KHDRBS2: variants seen among roughly 807,000 people sequenced by gnomAD.
The protein encoded by KHDRBS2 is KH RNA binding domain containing, signal transduction associated 2, also known as KH domain-containing, RNA-binding, signal transduction-associated protein 2.
In KHDRBS2, 26 loss-of-function variants were observed where a neutral mutation model predicts 44.3. That is an observed-to-expected ratio of 0.59 (90% CI 0.43 to 0.81). The LOEUF is 0.81. KHDRBS2 is among the 40% of genes least tolerant of loss of function. The pLI, the probability that KHDRBS2 is intolerant of heterozygous loss-of-function variation, is 0.00. For synonymous variants in KHDRBS2, 194 were observed against 151.1 expected, an observed-to-expected ratio of 1.28 and a Z score of -2.08; for missense variants, 476 against 433.1, an observed-to-expected ratio of 1.10 and a Z score of -0.88.
At chr6:62,195,710 A>T (rs1354654713) in intron 1 of KHDRBS2, among the ~76,000 whole-genome samples, 1 of 152,124 alleles carries the variant, frequency 6.6e-6, no homozygotes, top group Non-Finnish European at 1.5e-5. Context: ...AGTGAATGAC[A>T]TATATAAAAA....
At chr6:62,049,297 GAACAA>G (rs535569017) in intron 2 of KHDRBS2, among the ~76,000 whole-genome samples, 1 of 151,044 alleles carries the variant, frequency 6.6e-6, no homozygotes, top group East Asian at 2.0e-4. Context: ...GTATGAAAAA[GAACAA>G]AACAAAACAA....
intron 6 of KHDRBS2, among the ~76,000 whole-genome samples, chr6:61,745,073 G>A (rs1325494086): frequency 1.3e-5 from 2 of 152,084 alleles, no homozygotes; most frequent in Non-Finnish European, 2.9e-5. Flanking sequence ...ATCATGAACA[G>A]CTGCATTTCC....
chr6:62,248,542 A>G (rs1053727726), intron 1 of KHDRBS2, among the ~76,000 whole-genome samples: 2 of 151,966 alleles, frequency 1.3e-5, no homozygotes, highest in African/African-American at 4.8e-5. Context: ...AATTTTTAGT[A>G]GAGACGGGGT....
the KHDRBS2 span, among the ~76,000 whole-genome samples, chr6:61,635,698 TG>T: frequency 6.6e-6 from 1 of 151,970 alleles, no homozygotes; most frequent in African/African-American, 2.4e-5. Flanking sequence ...ACAGAAAAGG[TG>T]TTCTTTACAT....
At chr6:61,559,968 T>A in the KHDRBS2 span, among the ~76,000 whole-genome samples, 2 of 152,192 alleles carry the variant, frequency 1.3e-5, no homozygotes, top group Non-Finnish European at 2.9e-5. Context: ...ACTGAATAAC[T>A]CCATTTAGCA....
chr6:62,281,985 G>C (rs1240891059), intron 1 of KHDRBS2, among the ~76,000 whole-genome samples: 2 of 152,094 alleles, frequency 1.3e-5, no homozygotes, highest in Non-Finnish European at 2.9e-5. Context: ...ATTATCCCAA[G>C]TCTATTGGGA....
At chr6:61,904,516 G>GT (rs1300455958) in intron 4 of KHDRBS2, among the ~76,000 whole-genome samples, 1 of 152,168 alleles carries the variant, frequency 6.6e-6, no homozygotes, top group African/African-American at 2.4e-5. Flanking sequence ...AACTACAGAT[G>GT]TAATTGACCA....
intron 1 of KHDRBS2, among the ~76,000 whole-genome samples, chr6:62,274,659 T>C (rs542802348): frequency 6.6e-6 from 1 of 152,296 alleles, no homozygotes; most frequent in South Asian, 2.1e-4. Flanking sequence ...TACTTATTTG[T>C]AGAATCTCAA....
At position 62,286,211 on chromosome 6, in the gene KHDRBS2, A is replaced by T. The variant is rs1842482523; in HGVS notation, c.-263T>A. On this transcript the variant is annotated 5_prime_UTR_variant, in exon 1 of 9. Transcript: ENST00000281156. The stretch of plus-strand genomic sequence containing the variant: ...CTCACACCAGCGGCCTTAACTGGAG[A>T]GGCGGGAACAGGACGCGGCCCACCT... 2.1e-6 allele frequency: 1 copy of T among 481,680 alleles called. No individual in the cohort carries two copies. The highest frequency in any genetic ancestry group is 3.6e-6 in the Non-Finnish European group (1 of 274,824). 29.8% of individuals were successfully genotyped at this position (481,680 alleles called of 1,614,324 possible).
chr6:61,781,128 A>G (rs897782084), intron 6 of KHDRBS2, among the ~76,000 whole-genome samples: 12 of 152,194 alleles, frequency 7.9e-5, no homozygotes, highest in African/African-American at 2.9e-4. Flanking sequence ...ACATAATGCA[A>G]TTACACAAAG....
intron 6 of KHDRBS2, among the ~76,000 whole-genome samples, chr6:61,828,063 C>T (rs1047839936): frequency 1.3e-5 from 2 of 152,178 alleles, no homozygotes; most frequent in African/African-American, 4.8e-5. Context: ...CTGGCACTGA[C>T]ATGCATGTCT....
the KHDRBS2 span, among the ~76,000 whole-genome samples, chr6:61,594,333 T>G: frequency 6.6e-6 from 1 of 152,086 alleles, no homozygotes; most frequent in African/African-American, 2.4e-5. Flanking sequence ...GGTTGGTAAT[T>G]TTATGAGTCC....
intron 6 of KHDRBS2, among the ~76,000 whole-genome samples, chr6:61,771,884 A>G (rs1360782763): frequency 7.2e-5 from 11 of 152,196 alleles, no homozygotes; most frequent in Non-Finnish European, 8.8e-5. Flanking sequence ...CAGAATATAC[A>G]TTCTTTTCAG....
At chr6:61,799,077 G>T (rs1785836805) in intron 6 of KHDRBS2, among the ~76,000 whole-genome samples, 1 of 151,904 alleles carries the variant, frequency 6.6e-6, no homozygotes, top group African/African-American at 2.4e-5. Flanking sequence ...TCTTTTACTG[G>T]GCTATGAGGC....
At chr6:62,082,353 T>C (rs922232628) in intron 2 of KHDRBS2, among the ~76,000 whole-genome samples, 6 of 148,750 alleles carry the variant, frequency 4.0e-5, no homozygotes, top group Non-Finnish European at 7.4e-5. Flanking sequence ...AACCCAACTT[T>C]ATTACATATC....
At chr6:61,635,177 A>C in the KHDRBS2 span, among the ~76,000 whole-genome samples, 1 of 152,048 alleles carries the variant, frequency 6.6e-6, no homozygotes. Context: ...AAATGTAGTC[A>C]TCATTTTAAA....
chr6:62,175,883 A>G (rs1022931723), intron 2 of KHDRBS2, among the ~76,000 whole-genome samples: 2 of 151,466 alleles, frequency 1.3e-5, no homozygotes, highest in Non-Finnish European at 3.0e-5. Flanking sequence ...TTGCCAGCTT[A>G]ATTTGATCAG....
intron 1 of KHDRBS2, among the ~76,000 whole-genome samples, chr6:62,231,260 A>G (rs1267828155): frequency 2.0e-5 from 3 of 152,192 alleles, no homozygotes; most frequent in Non-Finnish European, 4.4e-5. Flanking sequence ...TAGAAAGAAG[A>G]GGTTTAATTG....
chr6:61,926,167 G>C (rs573456321), intron 4 of KHDRBS2, among the ~76,000 whole-genome samples: 1 of 152,246 alleles, frequency 6.6e-6, no homozygotes, highest in Non-Finnish European at 1.5e-5. Context: ...GTAGAATCTG[G>C]GTGACAGAAA....
Sources: allele counts gnomAD v4.1 joint callset (sites outside exome capture counted in the v4.1 genomes callset), GRCh38; gene constraint gnomAD v4.1.1; transcripts MANE v1.5; gene names NCBI Gene and HGNC (gene_info 2026-07-23, HGNC 2026-07-21).